Variants in HAVCR2 observed in about 807,000 individuals in gnomAD.
The protein encoded by HAVCR2 is hepatitis A virus cellular receptor 2.
A neutral mutation model predicts 24.7 loss-of-function variants in HAVCR2; 13 were observed. The observed-to-expected ratio is 0.53, with a 90% CI of 0.34 to 0.84. The LOEUF is 0.84. Ranked by LOEUF, HAVCR2 falls within the 40% of genes least tolerant of loss-of-function variation. The pLI is 0.01. For synonymous variants in HAVCR2, 154 were observed against 143.4 expected (o/e 1.07, Z -0.53); for missense variants, 343 against 371.2 (o/e 0.92, Z 0.62).
intron 3 of HAVCR2, among the ~76,000 whole-genome samples, chr5:157,099,227 T>C (rs1757136544): frequency 6.6e-6 from 1 of 152,158 alleles, no homozygotes; most frequent in Non-Finnish European, 1.5e-5. Context: ...TACAAACATC[T>C]AGCAATATTG....
intron 3 of HAVCR2, among the ~76,000 whole-genome samples, chr5:157,104,391 T>C (rs1757217013): frequency 6.6e-6 from 1 of 152,246 alleles, no homozygotes; most frequent in Non-Finnish European, 1.5e-5. Context: ...GAGCATTTCA[T>C]TCAATTTAGT....
chr5:157,086,085 A>T lies in HAVCR2; in HGVS notation c.*1017T>A, dbSNP rs1756908483. ...GAAAAATATAGCTTCAGTTTGGTCCACGAATACAGAAGTTGGTCAGAGATA... is the reference window on the plus strand; with the variant it reads ...GAAAAATATAGCTTCAGTTTGGTCCTCGAATACAGAAGTTGGTCAGAGATA... On this transcript the variant is annotated 3_prime_UTR_variant, in exon 7 of 7. Transcript: ENST00000307851. The T allele has an allele frequency of 6.6e-6, 1 of 151,966 alleles. No homozygotes were observed. The highest frequency in any genetic ancestry group is 1.5e-5 in the Non-Finnish European group (1 of 68,044). 9.4% of individuals were successfully genotyped at this position (151,966 alleles called of 1,614,324 possible).
chr5:157,107,093 G>T, intron 1 of HAVCR2, 131 bp from the exon 2 acceptor site: 1 of 721,070 alleles, frequency 1.4e-6, no homozygotes, highest in Non-Finnish European at 2.3e-6. Context: ...AGGATGATTC[G>T]CTGTGACAAT....
chr5:157,101,729 A>T (rs1038034028), intron 3 of HAVCR2, among the ~76,000 whole-genome samples: 1 of 151,056 alleles, frequency 6.6e-6, no homozygotes, highest in Non-Finnish European at 1.5e-5. Context: ...CTGTGTTCAA[A>T]TTCCAGGCCC....
rs1271847175 is a variant in HAVCR2, at chr5:157,106,677, G to C, written c.344C>G (p.Pro115Arg). The change falls in exon 2 of 7, where the codon CCA (proline) becomes CGA (arginine). Residue 115 changes from proline (P) to arginine (R), a missense_variant. By Grantham distance (103) the Pro-to-Arg change is moderately radical. Coordinates refer to ENST00000307851, the MANE Select transcript of HAVCR2 (RefSeq NM_032782.5). ...SGIYCCRIQI[P>R]GIMNDEKFNL... is the part of the protein sequence containing the mutation. ...AAATTTTTCATCATTCATTATGCCTGGGATTTGGATCCGGCAGCAGTAGAT... is the reference window on the plus strand; with the variant it reads ...AAATTTTTCATCATTCATTATGCCTCGGATTTGGATCCGGCAGCAGTAGAT... 6.2e-7 allele frequency: 1 copy of C among 1,614,062 alleles called. No homozygotes were observed. The highest frequency in any genetic ancestry group is 1.3e-5 in the African/African-American group (1 of 74,916).
intron 3 of HAVCR2, among the ~76,000 whole-genome samples, chr5:157,104,083 C>T (rs1329884892): frequency 1.3e-5 from 2 of 152,018 alleles, no homozygotes; most frequent in African/African-American, 4.8e-5. Flanking sequence ...TAGAAGAGAC[C>T]AGGACACTGA....
chr5:157,099,618 T>C (rs35521254), intron 3 of HAVCR2, among the ~76,000 whole-genome samples: 115,046 of 151,746 alleles, frequency 0.76, 43,592 homozygotes, highest in East Asian at 0.93. Flanking sequence ...TTTTGTTTTT[T>C]TGAGACAGTC....
At chr5:157,087,344 G>C (rs200815483) in intron 6 of HAVCR2, 50 bp from the exon 7 acceptor site, 3 of 1,498,506 alleles carry the variant, frequency 2.0e-6, no homozygotes, top group Non-Finnish European at 2.7e-6. Flanking sequence ...CAGGTAACAC[G>C]GAATAGAGTT....
chr5:157,104,603 A>G, intron 3 of HAVCR2, 63 bp downstream of exon 3: 1 of 1,178,128 alleles, frequency 8.5e-7, no homozygotes, highest in South Asian at 1.3e-5. Flanking sequence ...TTTTTCCCAC[A>G]TTCAAAATCC....
intron 6 of HAVCR2, among the ~76,000 whole-genome samples, chr5:157,088,507 T>C (rs1756948298): frequency 6.6e-6 from 1 of 152,096 alleles, no homozygotes; most frequent in East Asian, 1.9e-4. Context: ...CTTCAGTGCC[T>C]GGGTGATTCT....
At chr5:157,108,108 A>T (rs898454482) in intron 1 of HAVCR2, among the ~76,000 whole-genome samples, 1 of 151,964 alleles carries the variant, frequency 6.6e-6, no homozygotes, top group Non-Finnish European at 1.5e-5. Context: ...TTCATTATAT[A>T]TTTTCTTTTG....
intron 6 of HAVCR2, 105 bp from the exon 7 acceptor site, chr5:157,087,399 A>G: frequency 2.3e-6 from 2 of 879,084 alleles, no homozygotes; most frequent in Non-Finnish European, 3.4e-6. Context: ...AATATAGTGC[A>G]TGATCTTTGA....
chr5:157,101,863 C>T (rs1757172185), intron 3 of HAVCR2, among the ~76,000 whole-genome samples: 1 of 151,460 alleles, frequency 6.6e-6, no homozygotes, highest in African/African-American at 2.4e-5. Context: ...AATCCTCAAC[C>T]TCCTGAGTTC....
At chr5:157,099,182 G>T (rs1275611712) in intron 3 of HAVCR2, among the ~76,000 whole-genome samples, 1 of 152,112 alleles carries the variant, frequency 6.6e-6, no homozygotes. Flanking sequence ...CATTAAATAT[G>T]TGCTTTGTTT....
At chr5:157,089,200 T>C (rs528218825) in intron 5 of HAVCR2, among the ~76,000 whole-genome samples, 7 of 152,332 alleles carry the variant, frequency 4.6e-5, no homozygotes, top group African/African-American at 1.7e-4. Context: ...TTATGAGACC[T>C]CTACTATGTG....
chr5:157,095,550 T>A, intron 4 of HAVCR2, 91 bp from the exon 5 acceptor site: 1 of 1,403,666 alleles, frequency 7.1e-7, no homozygotes. Flanking sequence ...CCATCCCTTT[T>A]ACAACATCAC....
At chr5:157,107,814 CTG>C (rs1349250429) in intron 1 of HAVCR2, among the ~76,000 whole-genome samples, 8 of 151,926 alleles carry the variant, frequency 5.3e-5, no homozygotes, top group African/African-American at 1.9e-4. Context: ...CCCATTTTGT[CTG>C]TGTTATCTAA....
At chr5:157,107,344 AACAG>A (rs1353880543) in intron 1 of HAVCR2, 4 of 172,886 alleles carry the variant, frequency 2.3e-5, no homozygotes, top group Admixed American at 6.1e-5. Flanking sequence ...GGCTGATGGA[AACAG>A]ACAATCAGAA....
intron 6 of HAVCR2, among the ~76,000 whole-genome samples, chr5:157,087,902 C>CAA (rs753842431): frequency 1.3e-3 from 115 of 88,842 alleles, no homozygotes; most frequent in East Asian, 2.8e-3. Flanking sequence ...GACTCCGTCT[C>CAA]AAAAAAAAAA....
Sources: allele counts gnomAD v4.1 joint callset (sites outside exome capture counted in the v4.1 genomes callset), GRCh38; gene constraint gnomAD v4.1.1; transcripts MANE v1.5; gene names NCBI Gene and HGNC (gene_info 2026-07-23, HGNC 2026-07-21).